Variants in ZNF22 observed in about 807,000 individuals in gnomAD.
The protein encoded by ZNF22 is zinc finger protein 22, also known as krox-26 protein.
In ZNF22, 15 loss-of-function variants were observed where a neutral mutation model predicts 17.0. The ratio of observed to expected loss-of-function variants is 0.88; its 90% confidence interval spans 0.59 to 1.36. The LOEUF is 1.36. Among genes scored for constraint, ZNF22 ranks in the 40% most tolerant of loss-of-function variants. The pLI is 0.00. For synonymous variants in ZNF22, 84 were observed against 90.7 expected, an observed-to-expected ratio of 0.93 and a Z score of 0.42; for missense variants, 272 against 276.1, an observed-to-expected ratio of 0.98 and a Z score of 0.11.
In ZNF22 at chr10:45,004,289, G is replaced by A; in HGVS notation, c.*246G>A. ...CAAAGAACTGAAAATATGTTTTGAG[G>A]GAGCATGACATCCTTGACCTCATTT... On this transcript the variant is annotated 3_prime_UTR_variant, in exon 2 of 2. Transcript: ENST00000298299. 1 of 420,278 alleles carries A rather than the reference G, an allele frequency of 2.4e-6. No individual in the cohort carries two copies. Among genetic ancestry groups the A allele is most frequent in the Non-Finnish European group, 4.3e-6 (1 of 231,406 alleles). The allele number at this position is 420,278 out of a possible 1,614,324, so 26.0% of individuals were successfully genotyped here.
In ZNF22 at chr10:45,003,481, G is replaced by T; in HGVS notation, c.113G>T (p.Arg38Leu). 6.2e-7 allele frequency: 1 copy of T among 1,614,212 alleles called. No individual in the cohort carries two copies. The highest frequency in any genetic ancestry group is 8.5e-7 in the Non-Finnish European group (1 of 1,180,046). The change falls in exon 2 of 2, where the codon CGA becomes CTA. Residue 38 changes from arginine (R) to leucine (L), a missense_variant. By Grantham distance (102) the Arg-to-Leu change is moderately radical. Coordinates refer to ENST00000298299, the MANE Select transcript of ZNF22 (RefSeq NM_006963.5). ...CGGCAGAAGTGGGGCATGACTATTCGATTTGACTCAAGCTTCAGTAGACTC... is the reference window on the plus strand; with the variant it reads ...CGGCAGAAGTGGGGCATGACTATTCTATTTGACTCAAGCTTCAGTAGACTC... ...RQRQKWGMTI[R>L]FDSSFSRLRR...
intron 1 of ZNF22, among the ~76,000 whole-genome samples, chr10:45,001,391 G>T (rs1842331219): frequency 6.6e-6 from 1 of 152,220 alleles, no homozygotes; most frequent in Non-Finnish European, 1.5e-5. Context: ...TTCAGATTCA[G>T]ACTCATTGCA....
Position 45,003,936 on chromosome 10 carries a change from A to G in ZNF22, c.568A>G (p.Lys190Glu), listed in dbSNP as rs1478130621. The change falls in exon 2 of 2, where the codon AAA becomes GAA. Residue 190 changes from lysine to glutamate, a missense_variant. Physicochemically the swap from Lys to Glu is moderately conservative, Grantham distance 56 (BLOSUM62 1). Coordinates refer to ENST00000298299, the MANE Select transcript of ZNF22 (RefSeq NM_006963.5). ...TCTGAGGCAGCACATGAAGGTGCAT[A>G]AAGAAGAGAAGCCTCGTAAAACCCG... ...SHLRQHMKVH[K>E]EEKPRKTRGK... The G allele has an allele frequency of 5.6e-6, 9 of 1,614,070 alleles. No homozygotes were observed. Among genetic ancestry groups the G allele is most frequent in the South Asian group, 2.2e-5 (2 of 91,090 alleles).
chr10:45,001,165 C>T (rs1485462713), intron 1 of ZNF22, among the ~76,000 whole-genome samples, 187 bp downstream of exon 1: 1 of 150,162 alleles, frequency 6.7e-6, no homozygotes, highest in Non-Finnish European at 1.5e-5. Context: ...AGGGTGGGGC[C>T]GCGGCCTGCG....
chr10:45,003,270 C>T lies in ZNF22; in HGVS notation c.-89-10C>T. 4.9e-6 allele frequency: 6 copies of T among 1,226,708 alleles called. No homozygotes were observed. The highest frequency in any genetic ancestry group is 6.6e-6 in the Non-Finnish European group (6 of 904,404). 76.0% of individuals were successfully genotyped at this position (1,226,708 alleles called of 1,614,324 possible). On this transcript the variant is annotated splice_polypyrimidine_tract_variant and intron_variant, in intron 1 of 1. Transcript: ENST00000298299. ...GATCATCTCTAAATTTTTTTTCCTT[C>T]TACACACAGAAAATTCTGAGCTGTA...
chr10:45,001,047 G>A, intron 1 of ZNF22, 69 bp downstream of exon 1: 1 of 205,682 alleles, frequency 4.9e-6, no homozygotes. Flanking sequence ...TCGGGAGCGC[G>A]CTGGCCGCAA....
At position 45,004,263 on chromosome 10, in the gene ZNF22, A is replaced by G. The variant is rs911698265; in HGVS notation, c.*220A>G. The G allele has an allele frequency of 1.2e-5, 6 of 480,154 alleles. No individual in the cohort carries two copies. Among genetic ancestry groups the G allele is most frequent in the Admixed American group, 3.9e-5 (1 of 25,752 alleles). 29.7% of individuals were successfully genotyped at this position (480,154 alleles called of 1,614,324 possible). Reference sequence around the variant, plus strand: ...ATTTCTTTTTTATGTGACATGGAGCACAAAGAACTGAAAATATGTTTTGAG... The same window carrying G: ...ATTTCTTTTTTATGTGACATGGAGCGCAAAGAACTGAAAATATGTTTTGAG... On this transcript the variant is annotated 3_prime_UTR_variant, in exon 2 of 2. Transcript: ENST00000298299.
chr10:45,003,644 C>A lies in ZNF22; in HGVS notation c.276C>A (p.Phe92Leu). Residue 92 changes from phenylalanine (F) to leucine (L), a missense_variant, in exon 2 of 2, where the codon TTC (phenylalanine) becomes TTA (leucine). Transcript: ENST00000298299. ...AATGTGCTGATTGTGGGAAAAGTTT[C>A]TTTCAGAGTTCTAATCTCATTCAGC... is the stretch of plus-strand genomic sequence containing the variant. ...SHKCADCGKS[F>L]FQSSNLIQHR... 6.2e-7 allele frequency: 1 copy of A among 1,614,230 alleles called. No homozygotes were observed. The highest frequency in any genetic ancestry group is 8.5e-7 in the Non-Finnish European group (1 of 1,180,044).
chr10:45,004,055 T>G lies in ZNF22; in HGVS notation c.*12T>G. On this transcript the variant is annotated 3_prime_UTR_variant, in exon 2 of 2. Coordinates refer to ENST00000298299, the MANE Select transcript of ZNF22 (RefSeq NM_006963.5). ...CTGGTCTCCGTTAAGTATAGGGCTT[T>G]TTGACAGCTTTTTGAGACCTCTTAA... 1.3e-6 allele frequency: 2 copies of G among 1,554,850 alleles called. No homozygotes were observed. The highest frequency in any genetic ancestry group is 1.2e-5 in the South Asian group (1 of 81,196).
rs1842322236 is a variant in ZNF22, at chr10:45,000,946, C to A, written c.-122C>A. On this transcript the variant is annotated 5_prime_UTR_variant, in exon 1 of 2. Transcript: ENST00000298299. ...TCACTTCCGGCGGCGCGGGAGGCGC[C>A]CAGCGAGCCAGAGTGGTGGCTGGTC... 3 of 1,045,086 alleles carry A rather than the reference C, an allele frequency of 2.9e-6. No individual in the cohort carries two copies. Among genetic ancestry groups the A allele is most frequent in the African/African-American group, 1.7e-5 (1 of 58,020 alleles). The allele number at this position is 1,045,086 out of a possible 1,614,324, so 64.7% of individuals were successfully genotyped here. A position where few individuals can be genotyped will look rare whatever the true frequency, so the allele number is the denominator to read the frequency against.
In ZNF22 at chr10:45,003,782, C is replaced by T. The variant is rs779561165; in HGVS notation, c.414C>T (p.Pro138=). The T allele has an allele frequency of 6.2e-7, 1 of 1,614,202 alleles. No homozygotes were observed. Among genetic ancestry groups the T allele is most frequent in the Non-Finnish European group, 8.5e-7 (1 of 1,180,030 alleles). ...QHQRIHTGEK[P]YQCDECGRCF... is the part of the protein sequence containing the mutation. ...AGAGAATTCATACTGGAGAAAAACC[C>T]TATCAGTGTGATGAGTGTGGCCGGT... Residue 138 remains proline, a synonymous_variant, in exon 2 of 2, where the codon CCC becomes CCT. Transcript: ENST00000298299.
In ZNF22 at chr10:45,003,375, T is replaced by A. The variant is rs1842348776; in HGVS notation, c.7T>A (p.Leu3Ile). MR[L>I]AKPKAGISRS... ...ATACATTTGGTTATTCACCATGAGG[T>A]TAGCAAAGCCTAAAGCGGGTATTTC... Residue 3 changes from leucine to isoleucine, a missense_variant, in exon 2 of 2, where the codon TTA becomes ATA. Leu to Ile is a conservative substitution (Grantham distance 5). Coordinates refer to ENST00000298299, the MANE Select transcript of ZNF22 (RefSeq NM_006963.5). The A allele has an allele frequency of 2.5e-6, 4 of 1,596,310 alleles. No homozygotes were observed. In the South Asian group the frequency reaches 4.5e-5, roughly 18 times the overall value.
At chr10:45,001,999 G>C (rs185571713) in intron 1 of ZNF22, among the ~76,000 whole-genome samples, 274 of 152,100 alleles carry the variant, frequency 1.8e-3, no homozygotes, top group African/African-American at 6.4e-3. Flanking sequence ...CTGTAATCTT[G>C]TGTTATATGC....
At chr10:45,001,835 A>G (rs927460634) in intron 1 of ZNF22, among the ~76,000 whole-genome samples, 3 of 151,786 alleles carry the variant, frequency 2.0e-5, no homozygotes, top group Non-Finnish European at 4.4e-5. Flanking sequence ...TCTGACTTCC[A>G]TTGTATTAAA....
chr10:45,003,459 C>G lies in ZNF22; in HGVS notation c.91C>G (p.Gln31Glu). Residue 31 changes from glutamine to glutamate, a missense_variant, in exon 2 of 2, where the codon CAG (glutamine) becomes GAG (glutamate). Physicochemically the swap from Gln to Glu is conservative, Grantham distance 29 (BLOSUM62 2). Coordinates refer to ENST00000298299, the MANE Select transcript of ZNF22 (RefSeq NM_006963.5). ...ENKRKTGRQRQKWGMTIRFDS... is the reference protein window; with the variant it reads ...ENKRKTGRQREKWGMTIRFDS... ...CAAGCGCAAAACAGGCCGGCAGCGGCAGAAGTGGGGCATGACTATTCGATT... is the reference window on the plus strand; with the variant it reads ...CAAGCGCAAAACAGGCCGGCAGCGGGAGAAGTGGGGCATGACTATTCGATT... 1 of 1,614,244 alleles carries G rather than the reference C, an allele frequency of 6.2e-7. No individual in the cohort carries two copies. The highest frequency in any genetic ancestry group is 8.5e-7 in the Non-Finnish European group (1 of 1,180,040).
chr10:45,003,347 C>A lies in ZNF22; in HGVS notation c.-22C>A, dbSNP rs777944446. On this transcript the variant is annotated 5_prime_UTR_variant, in exon 2 of 2. Coordinates refer to ENST00000298299, the MANE Select transcript of ZNF22 (RefSeq NM_006963.5). Reference sequence around the variant, plus strand: ...CAGAAGAAGCCTGTAAACTCTCTTACAAATACATTTGGTTATTCACCATGA... The same window carrying A: ...CAGAAGAAGCCTGTAAACTCTCTTAAAAATACATTTGGTTATTCACCATGA... 6.4e-7 allele frequency: 1 copy of A among 1,558,918 alleles called. No homozygotes were observed. Among genetic ancestry groups the A allele is most frequent in the Admixed American group, 2.0e-5 (1 of 49,026 alleles).
rs151292871 is a variant in ZNF22, at chr10:45,003,930, G to A, written c.562G>A (p.Val188Met). The stretch of plus-strand genomic sequence containing the variant: ...CTCTCATCTGAGGCAGCACATGAAG[G>A]TGCATAAAGAAGAGAAGCCTCGTAA... ...QSSHLRQHMKVHKEEKPRKTR... is the reference protein window; with the variant it reads ...QSSHLRQHMKMHKEEKPRKTR... The change falls in exon 2 of 2, where the codon GTG becomes ATG. Residue 188 changes from valine (V) to methionine (M), a missense_variant. By Grantham distance (21) the Val-to-Met change is conservative. Coordinates refer to ENST00000298299, the MANE Select transcript of ZNF22 (RefSeq NM_006963.5). 104 of 1,614,002 alleles carry A rather than the reference G, an allele frequency of 6.4e-5. 2 individuals carry two copies. The highest frequency in any genetic ancestry group is 6.0e-4 in the Admixed American group (36 of 60,000).
rs1356767640 is a variant in ZNF22 at position 45,004,937 on chromosome 10, T to G, written c.*894T>G. On this transcript the variant is annotated 3_prime_UTR_variant, in exon 2 of 2. Transcript: ENST00000298299. Reference sequence around the variant, plus strand: ...GATCTACATGAATAAACAAACTATTTTACCAAGAAAAATCTCAGCTTGCTT... The same window carrying G: ...GATCTACATGAATAAACAAACTATTGTACCAAGAAAAATCTCAGCTTGCTT... The G allele has an allele frequency of 6.0e-6, 1 of 167,150 alleles. No homozygotes were observed. Among genetic ancestry groups the G allele is most frequent in the East Asian group, 1.9e-4 (1 of 5,206 alleles). The allele number at this position is 167,150 out of a possible 1,614,324, so 10.4% of individuals were successfully genotyped here. A position where few individuals can be genotyped will look rare whatever the true frequency, so the allele number is the denominator to read the frequency against.
At chr10:45,003,248 C>G in intron 1 of ZNF22, 32 bp from the exon 2 acceptor site, 1 of 851,630 alleles carries the variant, frequency 1.2e-6, no homozygotes, top group South Asian at 2.9e-5. Context: ...TTTTTCTGAT[C>G]ATCTCTAAAT....
Sources: gnomAD v4.1 joint callset for allele counts (sites outside exome capture counted in the v4.1 genomes callset) on GRCh38, gnomAD v4.1.1 for gene constraint, MANE v1.5 for transcripts, NCBI Gene and HGNC (gene_info 2026-07-23, HGNC 2026-07-21) for gene names.